The following OTC variants were observed in gnomAD, a reference collection of about 807,000 sequenced individuals.
OTC encodes ornithine transcarbamylase.
OTC carries 3 observed loss-of-function variants against 30.3 expected under a neutral mutation model. That is an observed-to-expected ratio of 0.10 (90% CI 0.05 to 0.26). The LOEUF (loss-of-function observed/expected upper bound fraction) is 0.26. OTC is among the 10% of genes least tolerant of loss of function. The probability of loss-of-function intolerance (pLI) is 1.00; values close to 1 mark genes in which losing one functional copy is unlikely to be tolerated. For missense variants in OTC, 194 were observed against 260.3 expected (o/e 0.75, Z 1.75); for synonymous variants, 111 against 99.7 (o/e 1.11, Z -0.67).
chrX:38,391,499 T>C (rs1397736971), intron 4 of OTC, among the ~76,000 whole-genome samples: 1 of 111,987 alleles, frequency 8.9e-6, no homozygotes, highest in Non-Finnish European at 1.9e-5. Flanking sequence ...TGACTGAGAA[T>C]TATCTTTGAA....
At chrX:38,364,938 A>C (rs915793101) in intron 1 of OTC, among the ~76,000 whole-genome samples, 7 of 112,539 alleles carry the variant, frequency 6.2e-5, no homozygotes, top group African/African-American at 2.3e-4. Context: ...TCACCCACTG[A>C]ACATTAAATG....
intron 6 of OTC, among the ~76,000 whole-genome samples, chrX:38,404,026 T>C (rs1022356138): frequency 2.7e-5 from 3 of 112,485 alleles, no homozygotes; most frequent in African/African-American, 9.7e-5. Context: ...TAGGCCATTA[T>C]GATGACTGGC....
intron 4 of OTC, among the ~76,000 whole-genome samples, chrX:38,392,531 T>C (rs1461497094): frequency 8.9e-6 from 1 of 112,275 alleles, no homozygotes; most frequent in East Asian, 2.8e-4. Flanking sequence ...AAAAGGTTTG[T>C]TTTTATTTTT....
chrX:38,330,670 C>T, the OTC span, among the ~76,000 whole-genome samples: 2 of 112,024 alleles, frequency 1.8e-5, no homozygotes, highest in African/African-American at 6.5e-5. Context: ...CAAGTCCATG[C>T]AGCAATGCAC....
chrX:38,337,233 CA>C, the OTC span, among the ~76,000 whole-genome samples: 1 of 112,420 alleles, frequency 8.9e-6, no homozygotes, highest in South Asian at 3.7e-4. Context: ...TCTCTCAATA[CA>C]ATGTTGTGTT....
chrX:38,352,635 C>G lies in OTC; in HGVS notation c.-62C>G. On this transcript the variant is annotated 5_prime_UTR_variant, in exon 1 of 10. Transcript: ENST00000039007. ...TTTCTTAGTTTTTAGGTGGCCCCCG[C>G]TGGCTAACTTGCTGTGGAGTTTTCA... 9 of 910,945 alleles carry G rather than the reference C, an allele frequency of 9.9e-6. No homozygotes were observed. Among genetic ancestry groups the G allele is most frequent in the Non-Finnish European group, 1.4e-5 (9 of 622,531 alleles). The allele number at this position is 910,945 out of a possible 1,213,427, so 75.1% of individuals were successfully genotyped here.
intron 6 of OTC, among the ~76,000 whole-genome samples, chrX:38,407,207 G>A (rs750870849): frequency 8.9e-6 from 1 of 112,547 alleles, no homozygotes; most frequent in African/African-American, 3.2e-5. Context: ...GCAGAGGAGG[G>A]TCAGGTTTTC....
At chrX:38,342,007 T>A in the OTC span, among the ~76,000 whole-genome samples, 1 of 93,680 alleles carries the variant, frequency 1.1e-5, no homozygotes, top group African/African-American at 4.0e-5. Flanking sequence ...TTTCTTAAAT[T>A]TCACTTTTTT....
chrX:38,370,251 G>A (rs905327321), intron 3 of OTC, among the ~76,000 whole-genome samples: 5 of 112,094 alleles, frequency 4.5e-5, no homozygotes, highest in African/African-American at 1.6e-4. Flanking sequence ...GCTAGATGGT[G>A]GAAATTTAAT....
chrX:38,363,494 G>C (rs1435016117), intron 1 of OTC, among the ~76,000 whole-genome samples: 1 of 111,706 alleles, frequency 9.0e-6, no homozygotes, highest in Non-Finnish European at 1.9e-5. Context: ...ATAATCCCCA[G>C]AAGAAGATTT....
chrX:38,410,632 G>A (rs1285729664), intron 8 of OTC, among the ~76,000 whole-genome samples: 1 of 111,081 alleles, frequency 9.0e-6, no homozygotes, highest in Non-Finnish European at 1.9e-5. Context: ...GGTTATAGGA[G>A]CTCTTTATAT....
intron 3 of OTC, among the ~76,000 whole-genome samples, chrX:38,375,939 G>C (rs1360853996): frequency 9.0e-6 from 1 of 111,691 alleles, no homozygotes; most frequent in Non-Finnish European, 1.9e-5. Context: ...AACCAACAAT[G>C]GTGACTGAGA....
chrX:38,327,928 A>G, the OTC span, among the ~76,000 whole-genome samples: 6 of 112,898 alleles, frequency 5.3e-5, no homozygotes, highest in African/African-American at 9.7e-5. Context: ...TCTGGCCTAT[A>G]CTGAATGCTC....
chrX:38,391,313 G>A (rs2068427902), intron 4 of OTC, among the ~76,000 whole-genome samples: 2 of 110,949 alleles, frequency 1.8e-5, no homozygotes, highest in African/African-American at 6.6e-5. Context: ...GTTGATGGGT[G>A]CAGCACACCA....
intron 3 of OTC, among the ~76,000 whole-genome samples, chrX:38,377,666 C>G (rs1017607327): frequency 9.0e-6 from 1 of 111,713 alleles, no homozygotes; most frequent in Non-Finnish European, 1.9e-5. Context: ...CTGCTTTTGC[C>G]CTGCTACAGA....
chrX:38,346,039 C>G, the OTC span, among the ~76,000 whole-genome samples: 13 of 111,611 alleles, frequency 1.2e-4, no homozygotes, highest in African/African-American at 4.2e-4. Context: ...TAAGTTAGAT[C>G]TCTTTCACTG....
the OTC span, among the ~76,000 whole-genome samples, chrX:38,339,528 G>GTT: frequency 7.2e-5 from 6 of 82,884 alleles, no homozygotes; most frequent in Admixed American, 1.3e-4. Flanking sequence ...GTACCCAATA[G>GTT]TTTTTTTTTT....
intron 6 of OTC, 151 bp downstream of exon 6, chrX:38,403,891 G>C (rs1031922198): frequency 1.6e-5 from 9 of 574,909 alleles, no homozygotes; most frequent in Non-Finnish European, 2.3e-5. Flanking sequence ...CTATTAAATA[G>C]CTATCTGGCC....
At chrX:38,407,596 A>C (rs1215224434) in intron 6 of OTC, among the ~76,000 whole-genome samples, 1 of 111,292 alleles carries the variant, frequency 9.0e-6, no homozygotes, top group African/African-American at 3.3e-5. Flanking sequence ...TGAGGAGCTG[A>C]CACATTGTGA....
Sources: gnomAD v4.1 joint callset for allele counts (sites outside exome capture counted in the v4.1 genomes callset) on GRCh38, gnomAD v4.1.1 for gene constraint, MANE v1.5 for transcripts, NCBI Gene and HGNC (gene_info 2026-07-23, HGNC 2026-07-21) for gene names.